Variants in GIPC1 observed in about 807,000 individuals in gnomAD.
GIPC1 encodes the protein GIPC PDZ domain containing family member 1, also known as PDZ domain-containing protein GIPC1.
Under a neutral mutation model 28.5 loss-of-function variants are expected in GIPC1, and 15 were observed. The ratio of observed to expected loss-of-function variants is 0.53; its 90% CI spans 0.35 to 0.81. The LOEUF is 0.81. Among genes scored for constraint, GIPC1 ranks in the 30% least tolerant of loss-of-function variants. The pLI is 0.01. For missense variants in GIPC1, 439 were observed against 481.9 expected, an observed-to-expected ratio of 0.91 and a Z score of 0.83; for synonymous variants, 224 against 206.1, an observed-to-expected ratio of 1.09 and a Z score of -0.74.
intron 3 of GIPC1, among the ~76,000 whole-genome samples, chr19:14,489,776 A>G (rs1310991385): frequency 6.6e-6 from 1 of 152,116 alleles, no homozygotes; most frequent in Non-Finnish European, 1.5e-5. Context: ...TGAATATACA[A>G]TATTAGCTCT....
rs1390751745 is a variant in GIPC1 at position 14,496,067 on chromosome 19, C to T, written c.-205G>A. 7.9e-6 allele frequency: 2 copies of T among 251,744 alleles called. No homozygotes were observed. Among genetic ancestry groups the T allele is most frequent in the South Asian group, 6.8e-5 (1 of 14,650 alleles). 15.6% of individuals were successfully genotyped at this position (251,744 alleles called of 1,614,324 possible). A position where few individuals can be genotyped will look rare whatever the true frequency, so the allele number is the denominator to read the frequency against. Reference sequence around the variant, plus strand: ...CCGCCGCCGCCGCCGCCGCCGCCGCCGCCGCCGCTGCCTCCGCCTCCCCGT... The same window carrying T: ...CCGCCGCCGCCGCCGCCGCCGCCGCTGCCGCCGCTGCCTCCGCCTCCCCGT... On this transcript the variant is annotated 5_prime_UTR_variant, in exon 1 of 9. Coordinates refer to ENST00000393033, the MANE Select transcript of GIPC1 (RefSeq NM_005716.4).
intron 4 of GIPC1, 111 bp from the exon 5 acceptor site, chr19:14,480,889 G>A: frequency 1.3e-6 from 1 of 767,078 alleles, no homozygotes; most frequent in Non-Finnish European, 2.2e-6. Flanking sequence ...TTCCATCCCA[G>A]TAACTCATCA....
At chr19:14,479,819 C>A (rs2071686294) in intron 6 of GIPC1, 1 of 394,540 alleles carries the variant, frequency 2.5e-6, no homozygotes, top group South Asian at 5.2e-5. Flanking sequence ...CAGGTGTACC[C>A]CAGCCTGAGT....
At chr19:14,489,790 T>A (rs1040144314) in intron 3 of GIPC1, among the ~76,000 whole-genome samples, 2 of 152,050 alleles carry the variant, frequency 1.3e-5, no homozygotes, top group African/African-American at 4.8e-5. Flanking sequence ...TAGCTCTCAT[T>A]CCAATTTTTT....
At chr19:14,480,933 CCACATTAGCGTGTCAG>C in intron 4 of GIPC1, 155 bp from the exon 5 acceptor site, 1 of 610,728 alleles carries the variant, frequency 1.6e-6, no homozygotes, top group Non-Finnish European at 2.9e-6. Context: ...ACAGCAGGGC[CCACATTAGCGTGTCAG>C]CTCTGCTAGG....
intron 6 of GIPC1, 179 bp from the exon 7 acceptor site, chr19:14,479,703 T>C (rs2071683365): frequency 4.6e-6 from 2 of 432,166 alleles, no homozygotes; most frequent in South Asian, 5.6e-5. Context: ...AGGCCTGGCA[T>C]GGATGTGGGG....
chr19:14,493,700 C>T (rs989502592), intron 1 of GIPC1, among the ~76,000 whole-genome samples: 2 of 152,078 alleles, frequency 1.3e-5, no homozygotes, highest in Non-Finnish European at 2.9e-5. Flanking sequence ...ATTCTTGTTG[C>T]CCAGGTTGGA....
chr19:14,486,936 C>T (rs78224363), intron 3 of GIPC1, among the ~76,000 whole-genome samples: 6,139 of 151,388 alleles, frequency 0.041, 413 homozygotes, highest in African/African-American at 0.14. Flanking sequence ...GCGCCCGGCC[C>T]GCTTCTTTAT....
intron 3 of GIPC1, among the ~76,000 whole-genome samples, chr19:14,484,827 C>T (rs549529453): frequency 6.1e-4 from 93 of 152,042 alleles, no homozygotes; most frequent in African/African-American, 2.1e-3. Flanking sequence ...TCTCAAACTC[C>T]TAGACTCAAG....
At chr19:14,485,704 G>GAT (rs1568365173) in intron 3 of GIPC1, among the ~76,000 whole-genome samples, 1 of 33,018 alleles carries the variant, frequency 3.0e-5, no homozygotes. Flanking sequence ...TATATATATA[G>GAT]AGAGAGAGAG....
At chr19:14,495,089 G>A (rs1270077318) in intron 1 of GIPC1, among the ~76,000 whole-genome samples, 2 of 151,870 alleles carry the variant, frequency 1.3e-5, no homozygotes, top group Admixed American at 1.3e-4. Flanking sequence ...GGGTGTTTCC[G>A]GGGAGAACGC....
At chr19:14,484,212 G>A (rs185524480) in intron 3 of GIPC1, among the ~76,000 whole-genome samples, 17 of 146,682 alleles carry the variant, frequency 1.2e-4, no homozygotes, top group African/African-American at 4.3e-4. Context: ...CTCACTCACT[G>A]CAATCTCTTG....
At position 14,482,944 on chromosome 19, in the gene GIPC1, C is replaced by A. The variant is rs762365095; in HGVS notation, c.33G>T (p.Ala11=). 3.1e-6 allele frequency: 5 copies of A among 1,611,644 alleles called. No homozygotes were observed. Among genetic ancestry groups the A allele is most frequent in the Non-Finnish European group, 3.4e-6 (4 of 1,179,732 alleles). The change falls in exon 4 of 9, where the codon GCG becomes GCT. Residue 11 remains alanine (A), a synonymous_variant. Coordinates refer to ENST00000393033, the MANE Select transcript of GIPC1 (RefSeq NM_005716.4). ...CCTCCTCATTTTCCACTAGAGGGGG[C>A]GCCTTTTTCCGCCGCCCCAGTCCCA... MPLGLGRRKK[A]PPLVENEEAE...
chr19:14,485,694 TATATATATAGAGAGAGAGAGAGAGAGAG>T (rs1173561325), intron 3 of GIPC1, among the ~76,000 whole-genome samples: 1 of 77,350 alleles, frequency 1.3e-5, no homozygotes, highest in Non-Finnish European at 2.6e-5. Flanking sequence ...AATATATATA[TATATATATAGAGAGAGAGAGAGAGAGAG>T]AGAGAGAGAG....
At chr19:14,495,181 ACT>A (rs2072049799) in intron 1 of GIPC1, among the ~76,000 whole-genome samples, 1 of 151,904 alleles carries the variant, frequency 6.6e-6, no homozygotes, top group South Asian at 2.1e-4. Flanking sequence ...TGCAGACGCC[ACT>A]CTCTTCTCTG....
intron 4 of GIPC1, 199 bp downstream of exon 4, chr19:14,482,487 CCCA>C (rs2146467501): frequency 3.3e-6 from 2 of 613,606 alleles, no homozygotes; most frequent in East Asian, 5.5e-5. Context: ...CCTCCAGTTC[CCCA>C]CAATTCACAG....
At chr19:14,493,631 T>A (rs973891804) in intron 1 of GIPC1, among the ~76,000 whole-genome samples, 2 of 151,990 alleles carry the variant, frequency 1.3e-5, no homozygotes, top group South Asian at 2.1e-4. Flanking sequence ...CTAATTTTTG[T>A]ATTTTTATTT....
At chr19:14,488,915 G>A (rs1185301782) in intron 3 of GIPC1, among the ~76,000 whole-genome samples, 1 of 149,694 alleles carries the variant, frequency 6.7e-6, no homozygotes, top group African/African-American at 2.4e-5. Flanking sequence ...GGAGGTAACA[G>A]GTTGCTATGT....
At chr19:14,479,545 G>A (rs1177911977) in intron 6 of GIPC1, 21 bp from the exon 7 acceptor site, 4 of 1,283,658 alleles carry the variant, frequency 3.1e-6, no homozygotes, top group African/African-American at 1.6e-5. Flanking sequence ...CAGGAGAGGA[G>A]TGAGTGTGGG....
Sources: gnomAD v4.1 joint callset for allele counts (sites outside exome capture counted in the v4.1 genomes callset) on GRCh38, gnomAD v4.1.1 for gene constraint, MANE v1.5 for transcripts, NCBI Gene and HGNC (gene_info 2026-07-23, HGNC 2026-07-21) for gene names.